Variants in PDLIM5 observed in about 807,000 individuals in gnomAD.
PDLIM5 encodes the protein PDZ and LIM domain 5.
Under a neutral mutation model 64.2 loss-of-function variants are expected in PDLIM5, and 34 were observed. That is an observed-to-expected ratio of 0.53 (90% confidence interval 0.40 to 0.71). PDLIM5 has a LOEUF of 0.71. Ranked by LOEUF, PDLIM5 falls within the 30% of genes least tolerant of loss-of-function variation. The pLI, the probability that PDLIM5 is intolerant of heterozygous loss-of-function variation, is 0.00. For synonymous variants in PDLIM5, 253 were observed against 269.1 expected (o/e 0.94, Z 0.59); for missense variants, 683 against 733.6 (o/e 0.93, Z 0.80).
At chr4:94,466,224 T>C (rs1724353300) in intron 2 of PDLIM5, among the ~76,000 whole-genome samples, 1 of 152,194 alleles carries the variant, frequency 6.6e-6, no homozygotes, top group Non-Finnish European at 1.5e-5. Context: ...CATCTCAGCC[T>C]CCCAAACTGT....
At chr4:94,501,869 C>T (rs1001206434) in intron 2 of PDLIM5, among the ~76,000 whole-genome samples, 4 of 152,086 alleles carry the variant, frequency 2.6e-5, no homozygotes, top group Non-Finnish European at 5.9e-5. Flanking sequence ...ATAGTGATAC[C>T]CATCAGGGAT....
chr4:94,522,326 A>T (rs1303711382), intron 2 of PDLIM5, among the ~76,000 whole-genome samples: 1 of 151,996 alleles, frequency 6.6e-6, no homozygotes, highest in Non-Finnish European at 1.5e-5. Context: ...GTTTTTTTTT[A>T]AACTGTGATA....
At chr4:94,569,996 A>G (rs779263621) in intron 3 of PDLIM5, among the ~76,000 whole-genome samples, 2 of 151,966 alleles carry the variant, frequency 1.3e-5, no homozygotes, top group Admixed American at 6.6e-5. Context: ...GTTGATGAAA[A>G]TTTCTTCTCA....
chr4:94,620,192 A>G (rs1236075586), intron 8 of PDLIM5, among the ~76,000 whole-genome samples: 1 of 152,062 alleles, frequency 6.6e-6, no homozygotes. Context: ...CTAGCCCTCT[A>G]ATTTCTAGTC....
chr4:94,480,875 C>G (rs1470822942), intron 2 of PDLIM5, among the ~76,000 whole-genome samples: 1 of 152,162 alleles, frequency 6.6e-6, no homozygotes, highest in African/African-American at 2.4e-5. Flanking sequence ...CAAAACTGAT[C>G]GTATTAGTCC....
chr4:94,576,473 T>TC (rs1735271650), intron 5 of PDLIM5, among the ~76,000 whole-genome samples: 1 of 152,222 alleles, frequency 6.6e-6, no homozygotes, highest in Non-Finnish European at 1.5e-5. Context: ...GGGTTTTTTT[T>TC]CTAGGAGGTA....
intron 2 of PDLIM5, chr4:94,489,065 A>AT (rs1726611017): frequency 1.3e-5 from 2 of 152,256 alleles, no homozygotes; most frequent in African/African-American, 4.8e-5. Context: ...TGGAATGGTC[A>AT]TAAAGGTGTG....
chr4:94,526,954 C>T (rs753085167), intron 3 of PDLIM5, among the ~76,000 whole-genome samples: 1 of 150,756 alleles, frequency 6.6e-6, no homozygotes, highest in Non-Finnish European at 1.5e-5. Context: ...AGGCTGGTCT[C>T]GAGCTCCTGA....
At chr4:94,602,253 G>A (rs1024046403) in intron 7 of PDLIM5, among the ~76,000 whole-genome samples, 1 of 152,118 alleles carries the variant, frequency 6.6e-6, no homozygotes, top group Non-Finnish European at 1.5e-5. Flanking sequence ...TCAGAAATAG[G>A]AAGCATTTAA....
At chr4:94,549,982 T>G (rs1246176389) in intron 3 of PDLIM5, 1 of 152,194 alleles carries the variant, frequency 6.6e-6, no homozygotes, top group Non-Finnish European at 1.5e-5. Context: ...ACCTCATATT[T>G]GTATAATGAT....
intron 7 of PDLIM5, among the ~76,000 whole-genome samples, 153 bp downstream of exon 7, chr4:94,586,597 G>A (rs548219014): frequency 1.3e-5 from 2 of 152,250 alleles, no homozygotes; most frequent in South Asian, 2.1e-4. Flanking sequence ...TGACCTAAAT[G>A]TACAACTTGC....
In PDLIM5 at chr4:94,664,016, CAAG is replaced by C. The variant is rs1742940860; in HGVS notation, c.1744_1746del (p.Lys582del). The C allele has an allele frequency of 6.2e-7, 1 of 1,608,082 alleles. No homozygotes were observed. The highest frequency in any genetic ancestry group is 8.5e-7 in the Non-Finnish European group (1 of 1,175,892). On this transcript the variant is annotated inframe_deletion, in exon 13 of 13. Coordinates refer to ENST00000317968, the MANE Select transcript of PDLIM5 (RefSeq NM_006457.5). Reference sequence around the variant, plus strand: ...GTTTGGAAGGTCAGACCTTTTTCTCCAAGAAGGACAAGCCCCTGTGTAAGAAAC... The same window carrying C: ...GTTTGGAAGGTCAGACCTTTTTCTCCAAGGACAAGCCCCTGTGTAAGAAAC...
At chr4:94,489,026 CAGTT>C (rs1310040765) in intron 2 of PDLIM5, 3 of 152,196 alleles carry the variant, frequency 2.0e-5, no homozygotes, top group African/African-American at 4.8e-5. Context: ...CACCCATTAA[CAGTT>C]AGGCATTCCA....
intron 2 of PDLIM5, among the ~76,000 whole-genome samples, chr4:94,520,629 G>A (rs1432245169): frequency 6.6e-6 from 1 of 152,188 alleles, no homozygotes; most frequent in Non-Finnish European, 1.5e-5. Context: ...GCTCATAGGA[G>A]TATTTAGTTA....
chr4:94,501,311 T>G (rs1318155065), intron 2 of PDLIM5, among the ~76,000 whole-genome samples: 2 of 152,136 alleles, frequency 1.3e-5, no homozygotes, highest in Non-Finnish European at 2.9e-5. Context: ...CTCAAACTCC[T>G]GAGCTCAAAA....
intron 8 of PDLIM5, among the ~76,000 whole-genome samples, chr4:94,625,274 C>A (rs1018754547): frequency 6.6e-6 from 1 of 152,006 alleles, no homozygotes; most frequent in Admixed American, 6.6e-5. Context: ...ACACACAACT[C>A]CCAGTTGAGC....
At chr4:94,577,581 C>CTTTTTTTTT (rs11349007) in intron 5 of PDLIM5, among the ~76,000 whole-genome samples, 2 of 106,852 alleles carry the variant, frequency 1.9e-5, no homozygotes, top group Admixed American at 1.0e-4. Flanking sequence ...TGGTCGTAAT[C>CTTTTTTTTT]TTTTTTTTTT....
At chr4:94,542,336 T>A (rs56150214) in intron 3 of PDLIM5, among the ~76,000 whole-genome samples, 55,163 of 140,204 alleles carry the variant, frequency 0.39, 12,552 homozygotes, top group South Asian at 0.68. Flanking sequence ...ATAAATAAAG[T>A]AAGTAAGTAA....
chr4:94,455,474 T>A (rs745903574), intron 2 of PDLIM5, 90 bp downstream of exon 2: 3 of 834,340 alleles, frequency 3.6e-6, no homozygotes, highest in Non-Finnish European at 6.1e-6. Flanking sequence ...ACCTGTACTC[T>A]ACTTATTATC....
Sources: allele counts gnomAD v4.1 joint callset (sites outside exome capture counted in the v4.1 genomes callset), GRCh38; gene constraint gnomAD v4.1.1; transcripts MANE v1.5; gene names NCBI Gene and HGNC (gene_info 2026-07-23, HGNC 2026-07-21).